Variants in NRXN3 observed in about 807,000 individuals in gnomAD.
The protein encoded by NRXN3 is neurexin 3.
Under a neutral mutation model 137.6 loss-of-function variants are expected in NRXN3, and 32 were observed. That is an observed-to-expected ratio of 0.23 (90% CI 0.18 to 0.31). The LOEUF is 0.31. Ranked by LOEUF, NRXN3 falls within the 10% of genes least tolerant of loss-of-function variation. NRXN3 has a pLI of 1.00. For missense variants in NRXN3, 1,574 were observed against 2,062.5 expected, an observed-to-expected ratio of 0.76 and a Z score of 4.59; for synonymous variants, 798 against 784.5, an observed-to-expected ratio of 1.02 and a Z score of -0.29.
intron 16 of NRXN3, among the ~76,000 whole-genome samples, chr14:79,649,621 A>G (rs542560658): frequency 6.6e-5 from 10 of 152,234 alleles, no homozygotes; most frequent in Non-Finnish European, 1.3e-4. Context: ...TTAACATTCA[A>G]ATGTCTCTGT....
chr14:78,173,708 G>GTTTTTTTTTTTTTTTTTTTTTTTTTT (rs1296589683), intron 1 of NRXN3, among the ~76,000 whole-genome samples: 1 of 8,988 alleles, frequency 1.1e-4, no homozygotes, highest in Non-Finnish European at 2.4e-4. Flanking sequence ...CTTTTTCCTT[G>GTTTTTTTTTTTTTTTTTTTTTTTTTT]CTTTTTTTTT....
chr14:79,240,105 G>C (rs2074034280), intron 15 of NRXN3, among the ~76,000 whole-genome samples: 1 of 152,106 alleles, frequency 6.6e-6, no homozygotes, highest in Admixed American at 6.6e-5. Context: ...TAATTAGTTT[G>C]AGTTAATCAT....
In NRXN3 at chr14:78,778,728, T is replaced by TTCTTTCTTTCTC. The variant is rs1245682728; in HGVS notation, c.2045-24889_2045-24888insTTCTTTCTCTCT. On this transcript the variant is annotated intron_variant, in intron 8 of 20. Transcript: ENST00000335750. ...TTTCTTTCTTTCTTTCTTTCTTTCT[T>TTCTTTCTTTCTC]TCTCTCTCTCTTTCTTTCTTTCCTT... 6.4e-4 allele frequency among the ~76,000 whole-genome samples: 86 copies of TTCTTTCTTTCTC among 134,768 alleles called. 1 individual carries two copies. Among genetic ancestry groups the TTCTTTCTTTCTC allele is most frequent in the Non-Finnish European group, 9.3e-4 (58 of 62,386 alleles). 88.4% of individuals were successfully genotyped at this position (134,768 alleles called of 152,430 possible). A position where few individuals can be genotyped will look rare whatever the true frequency, so the allele number is the denominator to read the frequency against.
intron 4 of NRXN3, among the ~76,000 whole-genome samples, chr14:78,309,217 T>C (rs2077679882): frequency 1.3e-5 from 2 of 152,114 alleles, no homozygotes; most frequent in Non-Finnish European, 2.9e-5. Context: ...TTTGTCATCT[T>C]GTAGAACCTC....
chr14:78,749,012 G>A (rs1047579946), intron 8 of NRXN3, among the ~76,000 whole-genome samples: 1 of 152,122 alleles, frequency 6.6e-6, no homozygotes, highest in Non-Finnish European at 1.5e-5. Context: ...ACTCAGAAAT[G>A]CCTTTTTTTT....
intron 15 of NRXN3, among the ~76,000 whole-genome samples, chr14:79,150,835 T>C (rs999530847): frequency 6.6e-6 from 1 of 152,026 alleles, no homozygotes; most frequent in African/African-American, 2.4e-5. Context: ...TTGAAACCAA[T>C]GGTCACTTAA....
chr14:78,954,293 A>G (rs1479292797), intron 10 of NRXN3, among the ~76,000 whole-genome samples: 1 of 152,234 alleles, frequency 6.6e-6, no homozygotes, highest in Non-Finnish European at 1.5e-5. Context: ...AGGGTTTTAC[A>G]AAATCCCACT....
intron 8 of NRXN3, among the ~76,000 whole-genome samples, chr14:78,722,941 A>G (rs542968984): frequency 6.6e-5 from 10 of 152,314 alleles, no homozygotes; most frequent in African/African-American, 2.4e-4. Flanking sequence ...GGCAGGGGAA[A>G]AAAAATTCCA....
rs1290413639 is a variant in NRXN3 at position 79,643,876 on chromosome 14, C to G, written c.3445-19902C>G. On this transcript the variant is annotated intron_variant, in intron 16 of 20. Transcript: ENST00000335750. ...ACTGAAACCCTGTTGAATTTTGTCT[C>G]CATTATTGCCTTTACCACCTTCTAT... Among the ~76,000 whole-genome samples, 3 of 135,556 alleles carry G rather than the reference C, an allele frequency of 2.2e-5. No individual in the cohort carries two copies. The East Asian group carries it at 5.9e-4, about 26-fold the overall frequency. The allele number at this position is 135,556 out of a possible 152,430, so 88.9% of individuals were successfully genotyped here.
intron 8 of NRXN3, among the ~76,000 whole-genome samples, chr14:78,783,576 G>A (rs769235682): frequency 1.3e-5 from 2 of 152,148 alleles, no homozygotes; most frequent in African/African-American, 4.8e-5. Context: ...CCATGGTAAT[G>A]TAAGAGGTTA....
intron 2 of NRXN3, among the ~76,000 whole-genome samples, chr14:78,255,169 G>GAA (rs35233538): frequency 3.3e-4 from 28 of 86,048 alleles, no homozygotes; most frequent in South Asian, 3.9e-4. Context: ...CACAGCAGCA[G>GAA]AAAAAAAAAA....
At chr14:78,247,837 A>G (rs2205166) in intron 2 of NRXN3, among the ~76,000 whole-genome samples, 28,941 of 152,120 alleles carry the variant, frequency 0.19, 5,341 homozygotes, top group African/African-American at 0.48. Context: ...GAATGTGCCT[A>G]TATTGAATTA....
chr14:79,416,485 T>C (rs556719788), intron 15 of NRXN3, among the ~76,000 whole-genome samples: 6 of 152,304 alleles, frequency 3.9e-5, no homozygotes, highest in Non-Finnish European at 5.9e-5. Context: ...AACAATACCA[T>C]GTAAATGAAG....
chr14:79,526,410 G>T (rs1375464972), intron 16 of NRXN3, among the ~76,000 whole-genome samples: 1 of 152,140 alleles, frequency 6.6e-6, no homozygotes, highest in Non-Finnish European at 1.5e-5. Flanking sequence ...GCCCAGCCTG[G>T]TCTCAAGCTC....
At chr14:79,166,397 G>A (rs977229682) in intron 15 of NRXN3, among the ~76,000 whole-genome samples, 2 of 151,518 alleles carry the variant, frequency 1.3e-5, no homozygotes, top group East Asian at 3.9e-4. Context: ...ATCTCCCAAA[G>A]ATTCCATTGT....
intron 2 of NRXN3, among the ~76,000 whole-genome samples, chr14:78,248,489 G>A: frequency 6.6e-6 from 1 of 151,880 alleles, no homozygotes; most frequent in South Asian, 2.1e-4. Flanking sequence ...AGACTAGGAT[G>A]GAATGGCATA....
chr14:79,634,112 G>A lies in NRXN3; in HGVS notation c.3445-29666G>A, dbSNP rs17109637. Among the ~76,000 whole-genome samples the A allele has an allele frequency of 9.0e-3, 1,375 of 152,230 alleles. 19 individuals are homozygous for A. Among genetic ancestry groups the A allele is most frequent in the African/African-American group, 0.032 (1,311 of 41,520 alleles). ...CCATCACAAGAAATGATTTTTCTAC[G>A]GAAACAGCTGTGATTGGAGCAAGAT... On this transcript the variant is annotated intron_variant, in intron 16 of 20. Transcript: ENST00000335750.
At chr14:78,495,100 G>A (rs925110169) in intron 4 of NRXN3, among the ~76,000 whole-genome samples, 1 of 104,288 alleles carries the variant, frequency 9.6e-6, no homozygotes, top group South Asian at 3.2e-4. Flanking sequence ...TTTTTTTTTT[G>A]TCAAACTGTT....
chr14:79,783,186 G>A (rs2099119224), intron 19 of NRXN3, among the ~76,000 whole-genome samples: 1 of 152,112 alleles, frequency 6.6e-6, no homozygotes, highest in Non-Finnish European at 1.5e-5. Context: ...TGGATAGCTT[G>A]GCATGTGTCT....
Sources: gnomAD v4.1 joint callset for allele counts (sites outside exome capture counted in the v4.1 genomes callset) on GRCh38, gnomAD v4.1.1 for gene constraint, MANE v1.5 for transcripts, NCBI Gene and HGNC (gene_info 2026-07-23, HGNC 2026-07-21) for gene names.